ACKR2: variants seen among roughly 807,000 people sequenced by gnomAD.
ACKR2 encodes the protein C-C chemokine receptor D6.
For missense variants in ACKR2, 457 were observed against 477.3 expected (o/e 0.96, Z 0.40); for synonymous variants, 207 against 192.2 (o/e 1.08, Z -0.64).
intron 2 of ACKR2, among the ~76,000 whole-genome samples, chr3:42,822,387 C>G (rs763455518): frequency 7.3e-4 from 111 of 152,188 alleles, no homozygotes; most frequent in Non-Finnish European, 2.4e-4. Flanking sequence ...TGAATAGAAT[C>G]TCTTCCCAGT....
intron 2 of ACKR2, among the ~76,000 whole-genome samples, chr3:42,838,779 T>C (rs1324049913): frequency 6.6e-6 from 1 of 152,104 alleles, no homozygotes; most frequent in Non-Finnish European, 1.5e-5. Context: ...TATTTGTTGA[T>C]TACAAAAAAA....
At chr3:42,848,403 A>G (rs560468320) in intron 2 of ACKR2, among the ~76,000 whole-genome samples, 2 of 151,930 alleles carry the variant, frequency 1.3e-5, no homozygotes, top group East Asian at 3.9e-4. Context: ...TTTTTTGCAG[A>G]GATGAGGTTT....
At chr3:42,860,306 A>C (rs1419382721) in intron 2 of ACKR2, among the ~76,000 whole-genome samples, 1 of 152,110 alleles carries the variant, frequency 6.6e-6, no homozygotes, top group Admixed American at 6.6e-5. Context: ...AGAGCTAACT[A>C]TCCTAAATAT....
At chr3:42,850,395 G>A (rs997984615) in intron 2 of ACKR2, among the ~76,000 whole-genome samples, 11 of 152,216 alleles carry the variant, frequency 7.2e-5, no homozygotes, top group African/African-American at 2.6e-4. Flanking sequence ...GCCCAGAGAG[G>A]TGAAGCCACC....
intron 2 of ACKR2, among the ~76,000 whole-genome samples, chr3:42,831,030 C>G (rs977404415): frequency 6.8e-6 from 1 of 146,174 alleles, no homozygotes; most frequent in African/African-American, 2.5e-5. Context: ...AAACTTCAGG[C>G]AAAAAAAATA....
Position 42,820,270 on chromosome 3 carries a change from C to T in ACKR2, c.-38+559C>T, listed in dbSNP as rs570499882. 8.5e-5 allele frequency among the ~76,000 whole-genome samples: 13 copies of T among 152,212 alleles called. No individual in the cohort carries two copies. In the South Asian group the frequency reaches 2.3e-3, roughly 27 times the overall value. On this transcript the variant is annotated intron_variant, in intron 2 of 2. Transcript: ENST00000422265. ...CAAATTGGTTTCCTGAGTGACTCTC[C>T]GTATGTTGATGTTTTTGCTCAGGGA...
At chr3:42,862,353 A>G (rs1302104235) in intron 2 of ACKR2, among the ~76,000 whole-genome samples, 1 of 152,244 alleles carries the variant, frequency 6.6e-6, no homozygotes, top group East Asian at 1.9e-4. Context: ...GCTCAAGGAA[A>G]TAAGAGAAGA....
intron 2 of ACKR2, chr3:42,841,679 AT>A (rs1701040967): frequency 6.6e-6 from 1 of 152,290 alleles, no homozygotes; most frequent in Non-Finnish European, 1.5e-5. Flanking sequence ...CAGGAATAAG[AT>A]GCAGCCTTGC....
chr3:42,845,363 CTTGATTGA>C (rs565412172), intron 2 of ACKR2, among the ~76,000 whole-genome samples: 2 of 152,236 alleles, frequency 1.3e-5, no homozygotes, highest in Admixed American at 6.5e-5. Flanking sequence ...CCAATTAACA[CTTGATTGA>C]TTGATTGATT....
chr3:42,833,388 A>G (rs151101458), intron 2 of ACKR2, among the ~76,000 whole-genome samples: 5 of 152,120 alleles, frequency 3.3e-5, no homozygotes, highest in South Asian at 2.1e-4. Context: ...TTTTATTTCA[A>G]TAGGTTTTGG....
intron 2 of ACKR2, among the ~76,000 whole-genome samples, chr3:42,844,418 C>T (rs1362911616): frequency 1.3e-5 from 2 of 152,054 alleles, no homozygotes; most frequent in Non-Finnish European, 2.9e-5. Context: ...ATTTAGGCAC[C>T]AACTGACCTC....
intron 1 of ACKR2, among the ~76,000 whole-genome samples, chr3:42,810,082 T>A (rs1700679767): frequency 6.6e-6 from 1 of 152,190 alleles, no homozygotes; most frequent in African/African-American, 2.4e-5. Flanking sequence ...CAGGAAAGAA[T>A]AAATAATAGG....
chr3:42,830,147 C>G (rs1286050816), intron 2 of ACKR2, among the ~76,000 whole-genome samples: 1 of 152,158 alleles, frequency 6.6e-6, no homozygotes, highest in Non-Finnish European at 1.5e-5. Context: ...GTCCCAAGGC[C>G]TCTCCTCCTC....
chr3:42,815,779 T>C (rs1382831398), intron 1 of ACKR2, among the ~76,000 whole-genome samples: 4 of 152,250 alleles, frequency 2.6e-5, no homozygotes, highest in Non-Finnish European at 5.9e-5. Context: ...TCTCACACTT[T>C]ATGCATTCCA....
chr3:42,826,758 T>C (rs548419889), intron 2 of ACKR2, among the ~76,000 whole-genome samples: 19 of 152,302 alleles, frequency 1.2e-4, no homozygotes, highest in African/African-American at 3.8e-4. Flanking sequence ...TATTTTGTCT[T>C]TATTTTTGCT....
chr3:42,810,964 G>A (rs145706145), intron 1 of ACKR2, among the ~76,000 whole-genome samples: 5 of 152,262 alleles, frequency 3.3e-5, no homozygotes, highest in Non-Finnish European at 7.4e-5. Flanking sequence ...AGGCTCAAGC[G>A]ATTCTCATGT....
At chr3:42,844,493 T>C (rs991278202) in intron 2 of ACKR2, among the ~76,000 whole-genome samples, 1 of 152,150 alleles carries the variant, frequency 6.6e-6, no homozygotes, top group African/African-American at 2.4e-5. Context: ...TCTGGCATGC[T>C]GCACTGGTGG....
chr3:42,825,991 G>A (rs1375259732), intron 2 of ACKR2, among the ~76,000 whole-genome samples: 1 of 150,886 alleles, frequency 6.6e-6, no homozygotes, highest in Non-Finnish European at 1.5e-5. Flanking sequence ...CTGTTAAGGT[G>A]ATCATGTGGT....
In ACKR2 at chr3:42,864,527, C is replaced by T; in HGVS notation, c.25C>T (p.Pro9Ser). 5 of 1,606,790 alleles carry T rather than the reference C, an allele frequency of 3.1e-6. No individual in the cohort carries two copies. The highest frequency in any genetic ancestry group is 4.3e-6 in the Non-Finnish European group (5 of 1,175,182). The change falls in exon 3 of 3, where the codon CCA becomes TCA. Residue 9 changes from proline to serine, a missense_variant. Coordinates refer to ENST00000422265, the MANE Select transcript of ACKR2 (RefSeq NM_001296.5). MAATASPQ[P>S]LATEDADSEN... ...CATGGCCGCCACTGCCTCTCCGCAGCCACTCGCCACTGAGGATGCCGATTC... is the reference window on the plus strand; with the variant it reads ...CATGGCCGCCACTGCCTCTCCGCAGTCACTCGCCACTGAGGATGCCGATTC...
Sources: gnomAD v4.1 joint callset for allele counts (sites outside exome capture counted in the v4.1 genomes callset) on GRCh38, gnomAD v4.1.1 for gene constraint, MANE v1.5 for transcripts, NCBI Gene and HGNC (gene_info 2026-07-23, HGNC 2026-07-21) for gene names.